The following ZEB1 variants were observed in gnomAD, a reference collection of about 807,000 sequenced individuals.
ZEB1 encodes the protein zinc finger E-box-binding homeobox 1.
A neutral mutation model predicts 84.9 loss-of-function variants in ZEB1; 21 were observed. The ratio of observed to expected loss-of-function variants is 0.25; its 90% CI spans 0.18 to 0.36. ZEB1 has a LOEUF of 0.36. Ranked by LOEUF, ZEB1 falls within the 10% of genes least tolerant of loss-of-function variation. The pLI is 1.00. For synonymous variants in ZEB1, 420 were observed against 471.1 expected (o/e 0.89, Z 1.41); for missense variants, 1,104 against 1,330.2 (o/e 0.83, Z 2.65).
In ZEB1 at chr10:31,482,554, T is replaced by C. The variant is rs1003335998; in HGVS notation, c.260-13222T>C. Among the ~76,000 whole-genome samples the C allele has an allele frequency of 2.6e-5, 4 of 151,902 alleles. No homozygotes were observed. In the South Asian group the frequency reaches 8.3e-4, roughly 32 times the overall value. On this transcript the variant is annotated intron_variant, in intron 2 of 8. Transcript: ENST00000424869. ...TAGATAAGTTAATAGCATTGTATAA[T>C]GTTAATTTTATATCTTTCATAACAC...
intron 1 of ZEB1, among the ~76,000 whole-genome samples, chr10:31,322,762 T>G (rs530227741): frequency 1.6e-3 from 240 of 150,470 alleles, no homozygotes; most frequent in African/African-American, 4.5e-3. Context: ...TTTTTTTTTT[T>G]TGAGAGAGAG....
intron 1 of ZEB1, among the ~76,000 whole-genome samples, chr10:31,378,841 C>G (rs2047143020): frequency 6.6e-6 from 1 of 151,930 alleles, no homozygotes; most frequent in South Asian, 2.1e-4. Context: ...ACCACTAGAA[C>G]AGTGGTGGAT....
Position 31,390,159 on chromosome 10 carries a change from G to A in ZEB1, c.58+70867G>A, listed in dbSNP as rs1480544904. Among the ~76,000 whole-genome samples, 3 of 152,126 alleles carry A rather than the reference G, an allele frequency of 2.0e-5. No individual in the cohort carries two copies. In the East Asian group the frequency reaches 5.8e-4, roughly 29 times the overall value. ...AATTTTGTCCCATGCTATATTTGAG[G>A]CAAACTTTTACCAAAGAAGTTACTG... On this transcript the variant is annotated intron_variant, in intron 1 of 8. Transcript: ENST00000424869.
At chr10:31,504,312 C>CTG (rs57705383) in intron 4 of ZEB1, among the ~76,000 whole-genome samples, 114,798 of 151,760 alleles carry the variant, frequency 0.76, 49,190 homozygotes, top group Non-Finnish European at 0.95. Context: ...TTCCACTGGT[C>CTG]TGTGTGTCTG....
At chr10:31,482,920 T>C (rs755649451) in intron 2 of ZEB1, among the ~76,000 whole-genome samples, 3 of 152,076 alleles carry the variant, frequency 2.0e-5, no homozygotes, top group Non-Finnish European at 4.4e-5. Context: ...GAATGTCAGA[T>C]ATCTTGCCCC....
chr10:31,407,818 C>G (rs1237102408), intron 1 of ZEB1, among the ~76,000 whole-genome samples: 1 of 150,608 alleles, frequency 6.6e-6, no homozygotes, highest in Non-Finnish European at 1.5e-5. Context: ...GAAGCATTCC[C>G]TTTGAAAACT....
intron 1 of ZEB1, among the ~76,000 whole-genome samples, chr10:31,427,083 T>G (rs1251513241): frequency 6.6e-6 from 1 of 151,960 alleles, no homozygotes; most frequent in East Asian, 1.9e-4. Flanking sequence ...CAAAATATGT[T>G]TAAAAAAAAA....
intron 1 of ZEB1, among the ~76,000 whole-genome samples, chr10:31,435,419 T>C (rs1365662536): frequency 6.6e-6 from 1 of 152,192 alleles, no homozygotes; most frequent in Admixed American, 6.5e-5. Flanking sequence ...AGAAAACTAA[T>C]ACAGAGTAAA....
chr10:31,441,726 A>G (rs1374808452), intron 1 of ZEB1, among the ~76,000 whole-genome samples: 3 of 152,182 alleles, frequency 2.0e-5, no homozygotes, highest in Admixed American at 2.0e-4. Flanking sequence ...AAACAACCCC[A>G]TCAAAAAGTA....
intron 1 of ZEB1, among the ~76,000 whole-genome samples, chr10:31,445,040 T>C (rs1243841859): frequency 6.7e-6 from 1 of 149,214 alleles, no homozygotes; most frequent in South Asian, 2.1e-4. Flanking sequence ...ATTCTTCCTA[T>C]CCATGAGCAT....
intron 2 of ZEB1, among the ~76,000 whole-genome samples, chr10:31,488,647 C>T (rs547413491): frequency 6.6e-6 from 1 of 150,768 alleles, no homozygotes. Flanking sequence ...ACCTTCTTTT[C>T]TAGCACAAGC....
At chr10:31,364,803 A>G (rs1209860597) in intron 1 of ZEB1, among the ~76,000 whole-genome samples, 2 of 152,222 alleles carry the variant, frequency 1.3e-5, no homozygotes, top group African/African-American at 2.4e-5. Context: ...GTGCCTCATG[A>G]TCATGGATAC....
chr10:31,324,569 T>G (rs1364690375), intron 1 of ZEB1, among the ~76,000 whole-genome samples: 3 of 152,036 alleles, frequency 2.0e-5, no homozygotes, highest in Non-Finnish European at 4.4e-5. Context: ...TGCATTAGTG[T>G]GCAAGAGTAC....
At chr10:31,376,360 A>C (rs2046622319) in intron 1 of ZEB1, among the ~76,000 whole-genome samples, 1 of 151,832 alleles carries the variant, frequency 6.6e-6, no homozygotes, top group African/African-American at 2.4e-5. Context: ...TGTAAAAATT[A>C]GACTGACGTT....
intron 1 of ZEB1, among the ~76,000 whole-genome samples, chr10:31,324,666 A>T (rs1385895202): frequency 2.0e-5 from 3 of 152,094 alleles, no homozygotes; most frequent in Non-Finnish European, 2.9e-5. Flanking sequence ...GTGGAAATGC[A>T]TGCTCTTTAT....
intron 1 of ZEB1, among the ~76,000 whole-genome samples, chr10:31,450,928 A>C (rs1222605147): frequency 6.6e-6 from 1 of 151,556 alleles, no homozygotes; most frequent in Non-Finnish European, 1.5e-5. Context: ...GTGTGTGTGC[A>C]CATGCATGTA....
At chr10:31,427,140 A>C (rs1287660467) in intron 1 of ZEB1, among the ~76,000 whole-genome samples, 1 of 152,154 alleles carries the variant, frequency 6.6e-6, no homozygotes, top group Non-Finnish European at 1.5e-5. Flanking sequence ...ATTCAAAAAA[A>C]AAATCCATTG....
intron 1 of ZEB1, among the ~76,000 whole-genome samples, chr10:31,323,805 GA>G (rs2034754836): frequency 6.6e-6 from 1 of 151,840 alleles, no homozygotes; most frequent in Non-Finnish European, 1.5e-5. Flanking sequence ...TAGAACATTA[GA>G]AGTATTTATT....
intron 1 of ZEB1, among the ~76,000 whole-genome samples, chr10:31,355,441 A>G (rs1168695147): frequency 1.3e-5 from 2 of 152,220 alleles, no homozygotes; most frequent in Non-Finnish European, 2.9e-5. Flanking sequence ...ATATCTTTCC[A>G]TGTCCTCACG....
Sources: gnomAD v4.1 joint callset for allele counts (sites outside exome capture counted in the v4.1 genomes callset) on GRCh38, gnomAD v4.1.1 for gene constraint, MANE v1.5 for transcripts, NCBI Gene and HGNC (gene_info 2026-07-23, HGNC 2026-07-21) for gene names.